CEP70: variants seen among roughly 807,000 people sequenced by gnomAD.
CEP70 encodes centrosomal protein 70.
CEP70 carries 70 observed loss-of-function variants against 90.9 expected under a neutral mutation model. That is an observed-to-expected ratio of 0.77 (90% CI 0.64 to 0.94). The LOEUF is 0.94. CEP70 is among the 40% of genes least tolerant of loss of function. CEP70 has a pLI of 0.00. For synonymous variants in CEP70, 220 were observed against 228.3 expected (o/e 0.96, Z 0.33); for missense variants, 648 against 669.0 (o/e 0.97, Z 0.35).
At chr3:138,549,714 G>C (rs1475164859) in intron 6 of CEP70, among the ~76,000 whole-genome samples, 1 of 152,120 alleles carries the variant, frequency 6.6e-6, no homozygotes, top group Non-Finnish European at 1.5e-5. Context: ...TACCACAGCT[G>C]ATGCACTCTT....
chr3:138,530,646 C>T (rs1416114346), intron 8 of CEP70: 1 of 985,274 alleles, frequency 1.0e-6, no homozygotes, highest in Non-Finnish European at 1.2e-6. Context: ...TACAGGGTCA[C>T]AGCTCTTCTC....
chr3:138,550,498 G>A (rs1262884980), intron 6 of CEP70, among the ~76,000 whole-genome samples: 1 of 152,108 alleles, frequency 6.6e-6, no homozygotes, highest in Non-Finnish European at 1.5e-5. Context: ...TGAGTAGCTG[G>A]GATTACAGGC....
At chr3:138,574,631 C>T (rs1336994753) in intron 2 of CEP70, among the ~76,000 whole-genome samples, 1 of 152,212 alleles carries the variant, frequency 6.6e-6, no homozygotes. Flanking sequence ...AACGGACAGA[C>T]TGCCTACTCA....
intron 3 of CEP70, among the ~76,000 whole-genome samples, chr3:138,572,216 G>A (rs936316): frequency 6.6e-6 from 1 of 151,978 alleles, no homozygotes; most frequent in Non-Finnish European, 1.5e-5. Flanking sequence ...CTGGATAACT[G>A]ACTCTAACAG....
At chr3:138,591,780 A>G in intron 2 of CEP70, 74 bp downstream of exon 2, 1 of 1,132,740 alleles carries the variant, frequency 8.8e-7, no homozygotes, top group Non-Finnish European at 1.3e-6. Context: ...TGAACCTAGT[A>G]TAGTACTCAA....
chr3:138,538,061 G>A (rs2038435859), intron 6 of CEP70, among the ~76,000 whole-genome samples: 1 of 152,134 alleles, frequency 6.6e-6, no homozygotes, highest in African/African-American at 2.4e-5. Flanking sequence ...CCCAGACTCA[G>A]TTTCTACACT....
chr3:138,558,443 C>T (rs771212363), intron 6 of CEP70, among the ~76,000 whole-genome samples: 2 of 152,148 alleles, frequency 1.3e-5, no homozygotes, highest in Non-Finnish European at 2.9e-5. Context: ...TGTTTTCAGA[C>T]ACCTGAAAAG....
rs1176802544 is a variant in CEP70, at chr3:138,519,738, A to G, written c.944+5752T>C. The stretch of plus-strand genomic sequence containing the variant: ...AGCCACTGCAAAATCATGCCAAATT[A>G]TAAAGACCGTCGAGGCTAGGAAGAA... On this transcript the variant is annotated intron_variant, in intron 11 of 17. Coordinates refer to ENST00000264982, the MANE Select transcript of CEP70 (RefSeq NM_024491.4). Among the ~76,000 whole-genome samples the G allele has an allele frequency of 4.3e-3, 647 of 152,204 alleles. 2 individuals are homozygous for G. The highest frequency in any genetic ancestry group is 0.015 in the African/African-American group (620 of 41,436).
intron 14 of CEP70, 26 bp from the exon 15 acceptor site, chr3:138,500,593 A>G (rs750459982): frequency 2.6e-6 from 4 of 1,565,172 alleles, no homozygotes; most frequent in South Asian, 1.2e-5. Context: ...GTAAAAAAGA[A>G]AGAGTTCATT....
chr3:138,558,006 A>C (rs2040141482), intron 6 of CEP70, among the ~76,000 whole-genome samples: 2 of 152,170 alleles, frequency 1.3e-5, no homozygotes, highest in East Asian at 1.9e-4. Context: ...ATGATCAAAA[A>C]ATTTTTAAAT....
chr3:138,499,882 A>G (rs1391902350), intron 16 of CEP70: 1 of 439,342 alleles, frequency 2.3e-6, no homozygotes, highest in East Asian at 4.2e-5. Flanking sequence ...AGGGAAGGTA[A>G]ATAAGTTTTG....
chr3:138,541,081 G>C (rs1474488514), intron 6 of CEP70, among the ~76,000 whole-genome samples: 1 of 152,150 alleles, frequency 6.6e-6, no homozygotes, highest in African/African-American at 2.4e-5. Flanking sequence ...ACAGACACTG[G>C]GGTGGAGGGT....
At chr3:138,502,401 C>G (rs993848662) in intron 13 of CEP70, among the ~76,000 whole-genome samples, 3 of 152,142 alleles carry the variant, frequency 2.0e-5, no homozygotes, top group African/African-American at 7.2e-5. Context: ...TCACTTGACA[C>G]TCTCCACTTA....
At chr3:138,532,430 A>G in intron 8 of CEP70, 84 bp downstream of exon 8, 1 of 1,228,984 alleles carries the variant, frequency 8.1e-7, no homozygotes, top group South Asian at 1.7e-5. Context: ...TCCATAGTAT[A>G]TTAAAGTTTC....
Position 138,524,797 on chromosome 3 carries a change from C to T in CEP70, c.944+693G>A, listed in dbSNP as rs6793249. 4.7e-3 allele frequency among the ~76,000 whole-genome samples: 720 copies of T among 152,234 alleles called. 4 individuals are homozygous for T. The highest frequency in any genetic ancestry group is 0.017 in the African/African-American group (693 of 41,530). ...TGGAGAGGATGTGGAGAAATAGGAA[C>T]ACTTTTACACTGTTGGTGGAACTGT... On this transcript the variant is annotated intron_variant, in intron 11 of 17. Coordinates refer to ENST00000264982, the MANE Select transcript of CEP70 (RefSeq NM_024491.4).
At chr3:138,507,109 T>A (rs1447801763) in intron 12 of CEP70, among the ~76,000 whole-genome samples, 1 of 152,154 alleles carries the variant, frequency 6.6e-6, no homozygotes, top group African/African-American at 2.4e-5. Context: ...AATCCAGTTA[T>A]ATACTGGTAC....
chr3:138,523,276 T>C (rs2036866007), intron 11 of CEP70, among the ~76,000 whole-genome samples: 1 of 152,170 alleles, frequency 6.6e-6, no homozygotes, highest in Non-Finnish European at 1.5e-5. Context: ...TCATACTGAA[T>C]GGGCAAAAAC....
At chr3:138,557,401 T>G (rs2040091784) in intron 6 of CEP70, among the ~76,000 whole-genome samples, 1 of 152,134 alleles carries the variant, frequency 6.6e-6, no homozygotes, top group Admixed American at 6.6e-5. Context: ...GAGATTAAAG[T>G]AAAGACAGGC....
At chr3:138,582,978 C>A (rs896418931) in intron 2 of CEP70, among the ~76,000 whole-genome samples, 1 of 151,836 alleles carries the variant, frequency 6.6e-6, no homozygotes, top group Admixed American at 6.6e-5. Flanking sequence ...CAGAAAACAA[C>A]AAAATGACAG....
Sources: gnomAD v4.1 joint callset for allele counts (sites outside exome capture counted in the v4.1 genomes callset) on GRCh38, gnomAD v4.1.1 for gene constraint, MANE v1.5 for transcripts, NCBI Gene and HGNC (gene_info 2026-07-23, HGNC 2026-07-21) for gene names.